The following ONECUT3 variants were observed in gnomAD, a reference collection of about 807,000 sequenced individuals.
ONECUT3 encodes the protein one cut homeobox 3, also known as one cut domain family member 3.
A neutral mutation model predicts 16.8 loss-of-function variants in ONECUT3; 11 were observed. That is an observed-to-expected ratio of 0.66 (90% CI 0.41 to 1.09). The LOEUF (loss-of-function observed/expected upper bound fraction) is 1.09, where lower values mean the gene tolerates loss of function less well. Ranked by LOEUF, ONECUT3 falls within the 50% of genes least tolerant of loss-of-function variation. ONECUT3 has a pLI of 0.00. For missense variants in ONECUT3, 637 were observed against 629.9 expected, an observed-to-expected ratio of 1.01 and a Z score of -0.12; for synonymous variants, 344 against 310.7, an observed-to-expected ratio of 1.11 and a Z score of -1.13.
At chr19:1,773,011 C>G (rs897327398) in intron 1 of ONECUT3, among the ~76,000 whole-genome samples, 4 of 151,896 alleles carry the variant, frequency 2.6e-5, no homozygotes, top group African/African-American at 9.7e-5. Flanking sequence ...CCAATATCTG[C>G]TTAACTTTAT....
chr19:1,760,236 G>A lies in ONECUT3; in HGVS notation c.1192+5382G>A, dbSNP rs369532880. On this transcript the variant is annotated intron_variant, in intron 1 of 1. Coordinates refer to ENST00000382349, the MANE Select transcript of ONECUT3 (RefSeq NM_001080488.2). The stretch of plus-strand genomic sequence containing the variant: ...GAGTCAGCTTCCGCTAGGAGGGGCC[G>A]TAACAGGACCAGGGCGTGGCTTTCG... 3.4e-4 allele frequency among the ~76,000 whole-genome samples: 52 copies of A among 152,364 alleles called. 1 individual carries two copies. In the South Asian group the frequency reaches 4.6e-3, roughly 13 times the overall value.
rs1454499188 is a variant in ONECUT3 at position 1,775,621 on chromosome 19, C to CA, written c.*181dup. 7.1e-6 allele frequency: 4 copies of CA among 562,184 alleles called. No individual in the cohort carries two copies. Among genetic ancestry groups the CA allele is most frequent in the Non-Finnish European group, 8.8e-6 (3 of 339,798 alleles). The allele number at this position is 562,184 out of a possible 1,614,324, so 34.8% of individuals were successfully genotyped here. On this transcript the variant is annotated 3_prime_UTR_variant, in exon 2 of 2. Coordinates refer to ENST00000382349, the MANE Select transcript of ONECUT3 (RefSeq NM_001080488.2). The stretch of plus-strand genomic sequence containing the variant: ...CAGCACACCCCCCAGCCCAAGTGCA[C>CA]AAAAAGGGCCCCCCTTCCTCCCTCC...
At chr19:1,769,763 C>T (rs552635616) in intron 1 of ONECUT3, among the ~76,000 whole-genome samples, 1 of 151,990 alleles carries the variant, frequency 6.6e-6, no homozygotes, top group Non-Finnish European at 1.5e-5. Flanking sequence ...CCGACTGGAT[C>T]GATCTGGGCT....
In ONECUT3 at chr19:1,759,992, TG is replaced by T. The variant is rs1423527976; in HGVS notation, c.1192+5141del. 4.6e-5 allele frequency among the ~76,000 whole-genome samples: 7 copies of T among 152,142 alleles called. No homozygotes were observed. The highest frequency in any genetic ancestry group is 2.0e-4 in the Admixed American group (3 of 15,282). On this transcript the variant is annotated intron_variant, in intron 1 of 1. Coordinates refer to ENST00000382349, the MANE Select transcript of ONECUT3 (RefSeq NM_001080488.2). This position sits in a 1 kb window ranked among gnomAD's most constrained non-coding sequence, Gnocchi z 4.1. ...GGAGGAGCAGCCCTAGCTAGGGACCTGGGCCAGGATCAGGGATCAGGCTCCC... is the reference window on the plus strand; with the variant it reads ...GGAGGAGCAGCCCTAGCTAGGGACCTGGCCAGGATCAGGGATCAGGCTCCC...
intron 1 of ONECUT3, among the ~76,000 whole-genome samples, chr19:1,756,672 G>A (rs2067917530): frequency 6.7e-6 from 1 of 148,416 alleles, no homozygotes; most frequent in African/African-American, 2.5e-5. Context: ...TGGGATTACA[G>A]ACGCCCGCCA....
At chr19:1,767,917 C>T (rs1433101101) in intron 1 of ONECUT3, among the ~76,000 whole-genome samples, 2 of 152,114 alleles carry the variant, frequency 1.3e-5, no homozygotes, top group East Asian at 1.9e-4. Context: ...GCCCCGGGGA[C>T]CCCCAGGAAC....
At chr19:1,769,755 G>T (rs1288566626) in intron 1 of ONECUT3, among the ~76,000 whole-genome samples, 1 of 152,082 alleles carries the variant, frequency 6.6e-6, no homozygotes, top group Non-Finnish European at 1.5e-5. Context: ...AAACAGCTCC[G>T]ACTGGATCGA....
Position 1,758,234 on chromosome 19 carries a change from A to G in ONECUT3, c.1192+3380A>G, listed in dbSNP as rs1383359742. Among the ~76,000 whole-genome samples, 1 of 150,540 alleles carries G rather than the reference A, an allele frequency of 6.6e-6. No homozygotes were observed. Among genetic ancestry groups the G allele is most frequent in the Non-Finnish European group, 1.5e-5 (1 of 67,684 alleles). ...CCGGGAGCGGGAGAAACAGACGGGG[A>G]GAAGAGAAAAAGAAGCCCAGAAAGG... On this transcript the variant is annotated intron_variant, in intron 1 of 1. Coordinates refer to ENST00000382349, the MANE Select transcript of ONECUT3 (RefSeq NM_001080488.2). This position sits in a 1 kb window ranked among gnomAD's most constrained non-coding sequence, Gnocchi z 5.9.
At position 1,758,315 on chromosome 19, in the gene ONECUT3, A is replaced by AAAAGAG. The variant is rs1555799065; in HGVS notation, c.1192+3462_1192+3463insAAGAGA. Among the ~76,000 whole-genome samples, 4 of 77,020 alleles carry AAAAGAG rather than the reference A, an allele frequency of 5.2e-5. No individual in the cohort carries two copies. Among genetic ancestry groups the AAAAGAG allele is most frequent in the African/African-American group, 1.2e-4 (3 of 24,788 alleles). The allele number at this position is 77,020 out of a possible 152,430, so 50.5% of individuals were successfully genotyped here. ...GCAGAGAGACCAAAAAAAAAAAAAA[A>AAAAGAG]AGAGAGAGAGAGAGAGAGAGACAGA... is the stretch of plus-strand genomic sequence containing the variant. On this transcript the variant is annotated intron_variant, in intron 1 of 1. Transcript: ENST00000382349. This position sits in a 1 kb window ranked among gnomAD's most constrained non-coding sequence, Gnocchi z 5.9.
rs936955323 is a variant in ONECUT3 at position 1,779,571 on chromosome 19, A to G, written c.*4126A>G. The stretch of plus-strand genomic sequence containing the variant: ...GTTCTGTGTTCAAATGTAATTTAAG[A>G]AAAAAAAAGGAAGAAAAATGCAAAA... On this transcript the variant is annotated 3_prime_UTR_variant, in exon 2 of 2. Coordinates refer to ENST00000382349, the MANE Select transcript of ONECUT3 (RefSeq NM_001080488.2). 6.7e-6 allele frequency: 1 copy of G among 150,028 alleles called. No individual in the cohort carries two copies. The highest frequency in any genetic ancestry group is 1.5e-5 in the Non-Finnish European group (1 of 67,590). 9.3% of individuals were successfully genotyped at this position (150,028 alleles called of 1,614,324 possible).
rs1476343066 is a variant in ONECUT3 at position 1,766,889 on chromosome 19, AT to A, written c.1193-8263del. The stretch of plus-strand genomic sequence containing the variant: ...ACTGCACACTCACTCAGCCACTGCT[AT>A]ACCTCCGCTCTGTGCTGGGCCACAG... On this transcript the variant is annotated intron_variant, in intron 1 of 1. Transcript: ENST00000382349. This position sits in a 1 kb window ranked among gnomAD's most constrained non-coding sequence, Gnocchi z 4.0. Among the ~76,000 whole-genome samples the A allele has an allele frequency of 6.6e-6, 1 of 151,992 alleles. No homozygotes were observed. The highest frequency in any genetic ancestry group is 1.5e-5 in the Non-Finnish European group (1 of 67,986).
Position 1,754,696 on chromosome 19 carries a change from C to T in ONECUT3, c.1034C>T (p.Ala345Val). The change falls in exon 1 of 2, where the codon GCG (alanine) becomes GTG (valine). Residue 345 changes from alanine to valine, a missense_variant. Transcript: ENST00000382349. The surrounding 1 kb of genome is among the most constrained non-coding windows in gnomAD (Gnocchi z 7.4). ...KRYSIPQAIFAQRILCRSQGT... is the reference protein window; with the variant it reads ...KRYSIPQAIFVQRILCRSQGT... Reference sequence around the variant, plus strand: ...TACAGCATCCCGCAGGCAATCTTCGCGCAGCGGATCCTGTGTCGCTCTCAG... The same window carrying T: ...TACAGCATCCCGCAGGCAATCTTCGTGCAGCGGATCCTGTGTCGCTCTCAG... 6.5e-7 allele frequency: 1 copy of T among 1,535,682 alleles called. No individual in the cohort carries two copies. Among genetic ancestry groups the T allele is most frequent in the Non-Finnish European group, 8.8e-7 (1 of 1,142,338 alleles).
rs1037186019 is a variant in ONECUT3, at chr19:1,758,092, G to A, written c.1192+3238G>A. Among the ~76,000 whole-genome samples, 1 of 152,132 alleles carries A rather than the reference G, an allele frequency of 6.6e-6. No homozygotes were observed. The highest frequency in any genetic ancestry group is 1.5e-5 in the Non-Finnish European group (1 of 68,002). On this transcript the variant is annotated intron_variant, in intron 1 of 1. Transcript: ENST00000382349. The surrounding 1 kb of genome is among the most constrained non-coding windows in gnomAD (Gnocchi z 5.9). ...TGCCGGGCGCCGGGGCCAGGACAGAGACGGGGACAGGGAGGGAGAAAGACC... is the reference window on the plus strand; with the variant it reads ...TGCCGGGCGCCGGGGCCAGGACAGAAACGGGGACAGGGAGGGAGAAAGACC...
In ONECUT3 at chr19:1,775,647, A is replaced by C. The variant is rs1158853719; in HGVS notation, c.*202A>C. ...AAAAAGGGCCCCCCTTCCTCCCTCC[A>C]TGCCCACTCCCTCCAGGCCAAAGGA... On this transcript the variant is annotated 3_prime_UTR_variant, in exon 2 of 2. Transcript: ENST00000382349. The C allele has an allele frequency of 3.6e-5, 16 of 444,396 alleles. No homozygotes were observed. Among genetic ancestry groups the C allele is most frequent in the Admixed American group, 4.7e-5 (1 of 21,180 alleles). The allele number at this position is 444,396 out of a possible 1,614,324, so 27.5% of individuals were successfully genotyped here. A position where few individuals can be genotyped will look rare whatever the true frequency, so the allele number is the denominator to read the frequency against.
intron 1 of ONECUT3, among the ~76,000 whole-genome samples, chr19:1,769,959 T>G (rs1021186834): frequency 5.3e-5 from 8 of 152,124 alleles, no homozygotes; most frequent in African/African-American, 1.7e-4. Flanking sequence ...AGGGACGATA[T>G]GCATCCTACC....
At chr19:1,760,234 C>A (rs568448340) in intron 1 of ONECUT3, among the ~76,000 whole-genome samples, 1 of 152,352 alleles carries the variant, frequency 6.6e-6, no homozygotes, top group East Asian at 1.9e-4. Flanking sequence ...CTAGGAGGGG[C>A]CGTAACAGGA....
At chr19:1,763,451 C>T (rs2067958445) in intron 1 of ONECUT3, among the ~76,000 whole-genome samples, 1 of 148,576 alleles carries the variant, frequency 6.7e-6, no homozygotes, top group Non-Finnish European at 1.5e-5. Flanking sequence ...GAGGCTGAGC[C>T]AGGAGGATCT....
rs1159411923 is a variant in ONECUT3 at position 1,754,658 on chromosome 19, G to T, written c.996G>T (p.Ala332=). 3 of 1,516,766 alleles carry T rather than the reference G, an allele frequency of 2.0e-6. No homozygotes were observed. Among genetic ancestry groups the T allele is most frequent in the Non-Finnish European group, 2.6e-6 (3 of 1,133,146 alleles). 94.0% of individuals were successfully genotyped at this position (1,516,766 alleles called of 1,614,324 possible). ...NTKEVAQRIT[A]ELKRYSIPQA... is the part of the protein sequence containing the mutation. ...AGGAGGTGGCGCAGCGCATCACGGC[G>T]GAGCTGAAGCGCTACAGCATCCCGC... Residue 332 remains alanine (A), a synonymous_variant, in exon 1 of 2, where the codon GCG becomes GCT. Transcript: ENST00000382349. This position sits in a 1 kb window ranked among gnomAD's most constrained non-coding sequence, Gnocchi z 7.4.
rs1481660248 is a variant in ONECUT3, at chr19:1,775,398, GC to G, written c.1443del (p.Gly483AlafsTer128). On this transcript the variant is annotated frameshift_variant, in exon 2 of 2. Coordinates refer to ENST00000382349, the MANE Select transcript of ONECUT3 (RefSeq NM_001080488.2). LOFTEE classifies it low-confidence loss of function (END_TRUNC). ...MNRWAEEPST[A>X]PGGPAGATAT... ...CCGCTGGGCTGAGGAGCCCAGCACGGCCCCCGGGGGCCCCGCCGGCGCCACG... is the reference window on the plus strand; with the variant it reads ...CCGCTGGGCTGAGGAGCCCAGCACGGCCCCGGGGGCCCCGCCGGCGCCACG... The G allele has an allele frequency of 2.7e-6, 4 of 1,506,118 alleles. No individual in the cohort carries two copies. Among genetic ancestry groups the G allele is most frequent in the Non-Finnish European group, 3.5e-6 (4 of 1,131,224 alleles). 93.3% of individuals were successfully genotyped at this position (1,506,118 alleles called of 1,614,324 possible).
Sources: allele counts gnomAD v4.1 joint callset (sites outside exome capture counted in the v4.1 genomes callset), GRCh38; gene constraint gnomAD v4.1.1; non-coding constraint Gnocchi (gnomAD v3.1); transcripts MANE v1.5; gene names NCBI Gene and HGNC (gene_info 2026-07-23, HGNC 2026-07-21).